OXR1: variants seen among roughly 807,000 people sequenced by gnomAD.
The protein encoded by OXR1 is oxidation resistance protein 1.
OXR1 carries 41 observed loss-of-function variants against 104.6 expected under a neutral mutation model. That is an observed-to-expected ratio of 0.39 (90% CI 0.31 to 0.51). The LOEUF is 0.51. Among genes scored for constraint, OXR1 ranks in the 20% least tolerant of loss-of-function variants. OXR1 has a pLI of 0.77. For synonymous variants in OXR1, 348 were observed against 348.4 expected, an observed-to-expected ratio of 1.00 and a Z score of 0.01; for missense variants, 955 against 1,031.9, an observed-to-expected ratio of 0.93 and a Z score of 1.02.
intron 11 of OXR1, among the ~76,000 whole-genome samples, chr8:106,723,691 CA>C (rs1833065310): frequency 7.0e-6 from 1 of 142,498 alleles, no homozygotes. Context: ...AACAAACAAA[CA>C]AAAAACCTCT....
At chr8:106,407,710 C>G (rs1303678721) in intron 2 of OXR1, among the ~76,000 whole-genome samples, 1 of 152,182 alleles carries the variant, frequency 6.6e-6, no homozygotes, top group East Asian at 1.9e-4. Context: ...CATGCCACAG[C>G]AACTGTACGT....
Position 106,519,069 on chromosome 8 carries a change from G to A in OXR1, c.150G>A (p.Glu50=). The change falls in exon 3 of 17, where the codon GAG becomes GAA. Residue 50 remains glutamate, a synonymous_variant. Transcript: ENST00000517566. ...PAPKTPIIEE[E]QNNAANTQKH... ...CCAAGACCCCCATCATTGAAGAAGA[G>A]CAGAACAATGCAGCAAATACTCAGA... 3 of 1,552,142 alleles carry A rather than the reference G, an allele frequency of 1.9e-6. No homozygotes were observed. The highest frequency in any genetic ancestry group is 2.6e-6 in the Non-Finnish European group (3 of 1,147,030).
chr8:106,521,255 T>C (rs1813234610), intron 3 of OXR1, among the ~76,000 whole-genome samples: 2 of 152,176 alleles, frequency 1.3e-5, no homozygotes, highest in Non-Finnish European at 2.9e-5. Flanking sequence ...ATAAAAATTT[T>C]CATTTATTGA....
At chr8:106,382,849 A>T (rs1195777548) in intron 2 of OXR1, among the ~76,000 whole-genome samples, 1 of 152,014 alleles carries the variant, frequency 6.6e-6, no homozygotes, top group Non-Finnish European at 1.5e-5. Context: ...TGGGAAAACT[A>T]AGGCTAATGC....
At chr8:106,614,317 T>A (rs1821028768) in intron 3 of OXR1, among the ~76,000 whole-genome samples, 1 of 152,204 alleles carries the variant, frequency 6.6e-6, no homozygotes, top group African/African-American at 2.4e-5. Context: ...CCTAGACATT[T>A]AAGTCACTTT....
intron 3 of OXR1, chr8:106,522,712 A>C (rs1293342542): frequency 6.6e-6 from 1 of 152,172 alleles, no homozygotes; most frequent in Non-Finnish European, 1.5e-5. Context: ...ATTTTACCTT[A>C]ATACTTACAT....
At chr8:106,674,867 A>G (rs925313758) in intron 3 of OXR1, among the ~76,000 whole-genome samples, 1 of 152,108 alleles carries the variant, frequency 6.6e-6, no homozygotes. Flanking sequence ...GCCTTCCGCT[A>G]TGACTTAAGC....
intron 2 of OXR1, among the ~76,000 whole-genome samples, chr8:106,397,516 T>G (rs1817827998): frequency 6.6e-6 from 1 of 152,134 alleles, no homozygotes; most frequent in Non-Finnish European, 1.5e-5. Context: ...TCTTTATTAC[T>G]TATAGTCTCC....
intron 2 of OXR1, among the ~76,000 whole-genome samples, chr8:106,413,313 T>C (rs1818538492): frequency 6.6e-6 from 1 of 152,120 alleles, no homozygotes; most frequent in Non-Finnish European, 1.5e-5. Context: ...ACCCTGAGAA[T>C]TGTATTGTGC....
intron 2 of OXR1, among the ~76,000 whole-genome samples, chr8:106,371,312 C>A (rs975616496): frequency 6.6e-6 from 1 of 151,646 alleles, no homozygotes; most frequent in Admixed American, 6.6e-5. Flanking sequence ...GCCTAGCTAG[C>A]AGTCTATTTT....
chr8:106,410,945 A>G (rs142618194), intron 2 of OXR1, among the ~76,000 whole-genome samples: 1 of 152,222 alleles, frequency 6.6e-6, no homozygotes, highest in East Asian at 1.9e-4. Flanking sequence ...TCACCTTTTT[A>G]TTGATTTAAT....
At chr8:106,622,873 C>A (rs943890540) in intron 3 of OXR1, among the ~76,000 whole-genome samples, 1 of 152,024 alleles carries the variant, frequency 6.6e-6, no homozygotes, top group Non-Finnish European at 1.5e-5. Context: ...GCCCTTGTAC[C>A]AAGAGCAGGG....
At chr8:106,456,888 G>A (rs952336525) in intron 2 of OXR1, among the ~76,000 whole-genome samples, 1 of 152,136 alleles carries the variant, frequency 6.6e-6, no homozygotes, top group Non-Finnish European at 1.5e-5. Context: ...ATGTGTGTGT[G>A]TTCTTTCTGA....
intron 3 of OXR1, among the ~76,000 whole-genome samples, chr8:106,597,267 T>G (rs956694094): frequency 6.6e-6 from 1 of 152,030 alleles, no homozygotes; most frequent in Non-Finnish European, 1.5e-5. Flanking sequence ...ATGGGATTAG[T>G]GTCTTTACAA....
chr8:106,671,198 AG>A (rs1826942740), intron 3 of OXR1, among the ~76,000 whole-genome samples: 1 of 151,748 alleles, frequency 6.6e-6, no homozygotes, highest in South Asian at 2.1e-4. Context: ...TCAATCATAC[AG>A]CATTAAGATG....
At chr8:106,553,320 CTT>C (rs5893797) in intron 3 of OXR1, among the ~76,000 whole-genome samples, 204 of 142,796 alleles carry the variant, frequency 1.4e-3, no homozygotes, top group Middle Eastern at 7.2e-3. Context: ...CAATTTTCTT[CTT>C]TTTTTTTTTT....
At chr8:106,664,799 T>A (rs980267866) in intron 3 of OXR1, among the ~76,000 whole-genome samples, 2 of 152,190 alleles carry the variant, frequency 1.3e-5, no homozygotes, top group African/African-American at 4.8e-5. Context: ...GCAATGTGTT[T>A]AAAATAGAAT....
intron 3 of OXR1, chr8:106,618,088 G>T: frequency 6.5e-7 from 1 of 1,535,782 alleles, no homozygotes; most frequent in Non-Finnish European, 8.7e-7. Flanking sequence ...AGAAGCACAG[G>T]AATCAAAATT....
intron 2 of OXR1, among the ~76,000 whole-genome samples, chr8:106,384,717 TTTTTTTC>T (rs1458335947): frequency 5.5e-5 from 8 of 146,158 alleles, no homozygotes; most frequent in African/African-American, 1.7e-4. Context: ...CTTAAAATTC[TTTTTTTC>T]TTTTTTCTTT....
Sources: gnomAD v4.1 joint callset for allele counts (sites outside exome capture counted in the v4.1 genomes callset) on GRCh38, gnomAD v4.1.1 for gene constraint, MANE v1.5 for transcripts, NCBI Gene and HGNC (gene_info 2026-07-23, HGNC 2026-07-21) for gene names.